The following CCSER1 variants were observed in gnomAD, a reference collection of about 807,000 sequenced individuals.
CCSER1 encodes the protein coiled-coil serine rich protein 1, also known as serine-rich coiled-coil domain-containing protein 1.
Under a neutral mutation model 82.0 loss-of-function variants are expected in CCSER1, and 41 were observed. The observed-to-expected ratio is 0.50, with a 90% confidence interval of 0.39 to 0.65. The LOEUF is 0.65. Among genes scored for constraint, CCSER1 ranks in the 30% least tolerant of loss-of-function variants. The probability of loss-of-function intolerance (pLI) is 0.00; values close to 1 mark genes in which losing one functional copy is unlikely to be tolerated. For synonymous variants in CCSER1, 414 were observed against 383.9 expected, an observed-to-expected ratio of 1.08 and a Z score of -0.92; for missense variants, 1,119 against 1,064.2, an observed-to-expected ratio of 1.05 and a Z score of -0.72.
At chr4:90,495,444 T>G (rs1029722329) in intron 5 of CCSER1, among the ~76,000 whole-genome samples, 3 of 152,200 alleles carry the variant, frequency 2.0e-5, no homozygotes, top group Admixed American at 1.3e-4. Flanking sequence ...TCTAGCCATC[T>G]GCTAGGCAAT....
chr4:91,439,446 C>T (rs1242053392), intron 10 of CCSER1, among the ~76,000 whole-genome samples: 5 of 152,038 alleles, frequency 3.3e-5, no homozygotes, highest in Non-Finnish European at 7.4e-5. Context: ...GACTTTGTCA[C>T]CACCAGGCCT....
At chr4:90,508,125 C>G (rs1560631795) in intron 5 of CCSER1, among the ~76,000 whole-genome samples, 1 of 151,836 alleles carries the variant, frequency 6.6e-6, no homozygotes, top group Non-Finnish European at 1.5e-5. Context: ...GGTTGGATGA[C>G]TGGGAAAGTA....
intron 1 of CCSER1, among the ~76,000 whole-genome samples, chr4:90,279,014 G>A (rs930874022): frequency 6.6e-6 from 1 of 151,984 alleles, no homozygotes; most frequent in African/African-American, 2.4e-5. Flanking sequence ...TAGCATATAA[G>A]CTGCCAATTT....
chr4:90,634,738 A>C (rs375733396), intron 6 of CCSER1, among the ~76,000 whole-genome samples: 1 of 151,878 alleles, frequency 6.6e-6, no homozygotes, highest in African/African-American at 2.4e-5. Flanking sequence ...AGCAATTACC[A>C]TGGAAATATA....
chr4:90,654,355 T>A (rs529312788), intron 6 of CCSER1, among the ~76,000 whole-genome samples: 1 of 152,296 alleles, frequency 6.6e-6, no homozygotes, highest in African/African-American at 2.4e-5. Context: ...TCCTTATTAC[T>A]TTAATTTACT....
intron 8 of CCSER1, among the ~76,000 whole-genome samples, chr4:90,919,974 G>A (rs1249391632): frequency 1.3e-5 from 2 of 151,810 alleles, no homozygotes; most frequent in Non-Finnish European, 2.9e-5. Context: ...AAGACAATTA[G>A]GTATTTTGTC....
At chr4:91,085,207 T>C (rs1440567717) in intron 9 of CCSER1, among the ~76,000 whole-genome samples, 1 of 151,986 alleles carries the variant, frequency 6.6e-6, no homozygotes, top group Non-Finnish European at 1.5e-5. Flanking sequence ...CAAATTTTCA[T>C]CAAAAATAGA....
chr4:90,301,129 C>T lies in CCSER1; in HGVS notation c.-41-7115C>T, dbSNP rs28698940. Reference sequence around the variant, plus strand: ...GATTGACAGGCATGAACCAGTGAACCCAGAGAATAATTTTTAAAATGTCTT... The same window carrying T: ...GATTGACAGGCATGAACCAGTGAACTCAGAGAATAATTTTTAAAATGTCTT... On this transcript the variant is annotated intron_variant, in intron 1 of 10. Transcript: ENST00000509176. Among the ~76,000 whole-genome samples, 912 of 152,014 alleles carry T rather than the reference C, an allele frequency of 6.0e-3. 8 individuals are homozygous for T. Among genetic ancestry groups the T allele is most frequent in the African/African-American group, 0.021 (883 of 41,484 alleles).
intron 1 of CCSER1, among the ~76,000 whole-genome samples, chr4:90,176,763 G>A (rs954921568): frequency 3.3e-5 from 5 of 152,034 alleles, no homozygotes; most frequent in African/African-American, 4.8e-5. Flanking sequence ...CTTAAATTCA[G>A]GAGGGACCTT....
At chr4:90,721,115 C>G (rs1435047666) in intron 6 of CCSER1, among the ~76,000 whole-genome samples, 1 of 151,570 alleles carries the variant, frequency 6.6e-6, no homozygotes, top group African/African-American at 2.4e-5. Context: ...ATTATTGAAC[C>G]TAAGGATGAC....
intron 1 of CCSER1, among the ~76,000 whole-genome samples, chr4:90,157,842 G>A (rs1249257305): frequency 6.6e-6 from 1 of 152,144 alleles, no homozygotes; most frequent in Non-Finnish European, 1.5e-5. Flanking sequence ...GCTCGGAGTA[G>A]TTTGATTGTC....
At chr4:90,711,097 A>G (rs56176199) in intron 6 of CCSER1, among the ~76,000 whole-genome samples, 34,669 of 151,802 alleles carry the variant, frequency 0.23, 5,012 homozygotes, top group African/African-American at 0.41. Flanking sequence ...TAGCAATTGT[A>G]AATGTGAATT....
At chr4:90,461,753 T>C (rs1762959362) in intron 4 of CCSER1, among the ~76,000 whole-genome samples, 1 of 152,212 alleles carries the variant, frequency 6.6e-6, no homozygotes, top group Admixed American at 6.5e-5. Flanking sequence ...CCTGGCACTC[T>C]ACTAAGTAAC....
rs531803628 is a variant in CCSER1 at position 91,285,299 on chromosome 4, T to C, written c.2217+199305T>C. On this transcript the variant is annotated intron_variant, in intron 10 of 10. Transcript: ENST00000509176. The stretch of plus-strand genomic sequence containing the variant: ...CTCTTTTTAAAGAAAAAAGTCCTTG[T>C]GCTATATGTTATATTTCATTGAATA... 1.3e-4 allele frequency among the ~76,000 whole-genome samples: 20 copies of C among 151,330 alleles called. No homozygotes were observed. In the South Asian group the frequency reaches 4.0e-3, roughly 30 times the overall value.
chr4:91,226,904 T>C (rs1045239396), intron 10 of CCSER1, among the ~76,000 whole-genome samples: 1 of 152,008 alleles, frequency 6.6e-6, no homozygotes, highest in Middle Eastern at 3.4e-3. Flanking sequence ...TAAGTAAATA[T>C]ATCACAGTCT....
rs147498902 is a variant in CCSER1 at position 90,192,463 on chromosome 4, A to G, written c.-42+64632A>G. 1.1e-3 allele frequency among the ~76,000 whole-genome samples: 166 copies of G among 152,150 alleles called. 3 individuals are homozygous for G. The highest frequency in any genetic ancestry group is 0.011 in the Admixed American group (161 of 15,260). On this transcript the variant is annotated intron_variant, in intron 1 of 10. Coordinates refer to ENST00000509176, the MANE Select transcript of CCSER1 (RefSeq NM_001145065.2). ...GTTCATTTTTATTATGAGAAGCAATATTTCACTAGTGGTTGAGAATTTCAG... is the reference window on the plus strand; with the variant it reads ...GTTCATTTTTATTATGAGAAGCAATGTTTCACTAGTGGTTGAGAATTTCAG...
intron 10 of CCSER1, among the ~76,000 whole-genome samples, chr4:91,160,365 T>G (rs1731262264): frequency 6.6e-6 from 1 of 152,216 alleles, no homozygotes; most frequent in African/African-American, 2.4e-5. Context: ...TACTTGTACA[T>G]GTGTCTTTAT....
chr4:91,173,631 C>G (rs139351321), intron 10 of CCSER1, among the ~76,000 whole-genome samples: 124 of 148,062 alleles, frequency 8.4e-4, no homozygotes, highest in African/African-American at 3.0e-3. Context: ...TGATAAGAGT[C>G]TCTCAGAGGC....
intron 9 of CCSER1, among the ~76,000 whole-genome samples, chr4:90,953,503 A>G (rs1296078427): frequency 6.6e-6 from 1 of 151,632 alleles, no homozygotes; most frequent in Admixed American, 6.6e-5. Context: ...TATTTTAGAT[A>G]TACAATTATT....
Sources: allele counts gnomAD v4.1 joint callset (sites outside exome capture counted in the v4.1 genomes callset), GRCh38; gene constraint gnomAD v4.1.1; transcripts MANE v1.5; gene names NCBI Gene and HGNC (gene_info 2026-07-23, HGNC 2026-07-21).